LTBP2: variants seen among roughly 807,000 people sequenced by gnomAD.
LTBP2 encodes latent-transforming growth factor beta-binding protein 2.
LTBP2 carries 103 observed loss-of-function variants against 210.6 expected under a neutral mutation model. That is an observed-to-expected ratio of 0.49 (90% confidence interval 0.42 to 0.58). The LOEUF is 0.58. LTBP2 is among the 20% of genes least tolerant of loss of function. The probability of loss-of-function intolerance (pLI) is 0.00; values close to 1 mark genes in which losing one functional copy is unlikely to be tolerated. For missense variants in LTBP2, 2,313 were observed against 2,494.5 expected, an observed-to-expected ratio of 0.93 and a Z score of 1.55; for synonymous variants, 1,007 against 1,015.0, an observed-to-expected ratio of 0.99 and a Z score of 0.15.
intron 3 of LTBP2, among the ~76,000 whole-genome samples, chr14:74,578,359 G>A (rs146687442): frequency 2.8e-3 from 429 of 152,298 alleles, no homozygotes; most frequent in Non-Finnish European, 3.5e-3. Context: ...CCCAACCATC[G>A]TAGAAGATGG....
Position 74,498,510 on chromosome 14 carries a change from G to A in LTBP2, c.*2374C>T, listed in dbSNP as rs1460047076. 9.0e-6 allele frequency: 2 copies of A among 222,176 alleles called. No individual in the cohort carries two copies. The highest frequency in any genetic ancestry group is 1.8e-5 in the Non-Finnish European group (2 of 111,222). The allele number at this position is 222,176 out of a possible 1,614,324, so 13.8% of individuals were successfully genotyped here. A position where few individuals can be genotyped will look rare whatever the true frequency, so the allele number is the denominator to read the frequency against. ...AGTATACAGCTGTAAAATGAAATGAGGCAGCTCTAATTGCAAGTATAAAAA... is the reference window on the plus strand; with the variant it reads ...AGTATACAGCTGTAAAATGAAATGAAGCAGCTCTAATTGCAAGTATAAAAA... On this transcript the variant is annotated 3_prime_UTR_variant, in exon 36 of 36. Coordinates refer to ENST00000261978, the MANE Select transcript of LTBP2 (RefSeq NM_000428.3).
intron 4 of LTBP2, 149 bp from the exon 5 acceptor site, chr14:74,553,211 G>C: frequency 1.3e-6 from 1 of 759,598 alleles, no homozygotes; most frequent in Non-Finnish European, 2.2e-6. Context: ...TCCCATCGTA[G>C]GGGCAAGGTG....
chr14:74,576,749 A>T (rs374829796), intron 3 of LTBP2, among the ~76,000 whole-genome samples: 2 of 151,774 alleles, frequency 1.3e-5, no homozygotes, highest in South Asian at 2.1e-4. Flanking sequence ...AAATTAAAAG[A>T]TTTCCTCTAA....
intron 2 of LTBP2, among the ~76,000 whole-genome samples, chr14:74,589,304 TGAGGCAGG>T (rs909417410): frequency 1.3e-5 from 2 of 152,162 alleles, no homozygotes; most frequent in African/African-American, 4.8e-5. Context: ...TAACCCAGGC[TGAGGCAGG>T]GAGTAGGGAA....
chr14:74,574,493 C>T (rs1490504555), intron 3 of LTBP2, among the ~76,000 whole-genome samples: 1 of 152,134 alleles, frequency 6.6e-6, no homozygotes, highest in Non-Finnish European at 1.5e-5. Flanking sequence ...GCTGGTGACT[C>T]TAAAGTGGGG....
At chr14:74,521,864 C>G (rs756074894) in intron 17 of LTBP2, 47 bp downstream of exon 17, 1 of 1,612,338 alleles carries the variant, frequency 6.2e-7, no homozygotes, top group East Asian at 2.2e-5. Flanking sequence ...CTTCCACCCC[C>G]TCAAGACTGT....
At position 74,552,332 on chromosome 14, in the gene LTBP2, G is replaced by A. The variant is rs140847432; in HGVS notation, c.1254C>T (p.Cys418=). Residue 418 remains cysteine (C), a synonymous_variant, in exon 6 of 36, where the codon TGC becomes TGT. Transcript: ENST00000261978. ...AGAACTTCCCGGTGGAGTTGGCGGGGCACCAGCATTCGTCCCTGCCGATGC... is the reference window on the plus strand; with the variant it reads ...AGAACTTCCCGGTGGAGTTGGCGGGACACCAGCATTCGTCCCTGCCGATGC... ...GRCIGRDECW[C]PANSTGKFCH... The A allele has an allele frequency of 5.8e-5, 94 of 1,612,208 alleles. No homozygotes were observed. Among genetic ancestry groups the A allele is most frequent in the Non-Finnish European group, 7.5e-5 (89 of 1,179,994 alleles).
Position 74,526,168 on chromosome 14 carries a change from T to C in LTBP2, c.2389-54A>G. 9 of 1,547,296 alleles carry C rather than the reference T, an allele frequency of 5.8e-6. No individual in the cohort carries two copies. In the South Asian group the frequency reaches 9.4e-5, roughly 16 times the overall value. ...TGGCTCCTCTGCCGTACCTGTGATG[T>C]GCCACCTTCCACCACACTGACCCCC... On this transcript the variant is annotated intron_variant, in intron 13 of 35. Transcript: ENST00000261978.
rs201477988 is a variant in LTBP2, at chr14:74,583,972, C to T, written c.830+1882G>A. Among the ~76,000 whole-genome samples, 10 of 151,742 alleles carry T rather than the reference C, an allele frequency of 6.6e-5. No homozygotes were observed. The East Asian group carries it at 1.9e-3, about 29-fold the overall frequency. On this transcript the variant is annotated intron_variant, in intron 3 of 35. Coordinates refer to ENST00000261978, the MANE Select transcript of LTBP2 (RefSeq NM_000428.3). ...CCTCTGAGCAACACATGGGGTGGTG[C>T]CCTTGGCTGCAGGTACAGCTGAGGG...
In LTBP2 at chr14:74,502,668, C is replaced by G; in HGVS notation, c.5155G>C (p.Val1719Leu). Residue 1719 changes from valine (V) to leucine (L), a missense_variant, in exon 34 of 36, where the codon GTG (valine) becomes CTG (leucine). Physicochemically the swap from Val to Leu is conservative, Grantham distance 32. Coordinates refer to ENST00000261978, the MANE Select transcript of LTBP2 (RefSeq NM_000428.3). ...LQPSELQPHYVASHPEPPAGF... is the reference protein window; with the variant it reads ...LQPSELQPHYLASHPEPPAGF... Reference sequence around the variant, plus strand: ...CAACACAGACCTGGATGGCTGGCCACGTAGTGGGGCTGGAGTTCTGAGGGC... The same window carrying G: ...CAACACAGACCTGGATGGCTGGCCAGGTAGTGGGGCTGGAGTTCTGAGGGC... 6.2e-7 allele frequency: 1 copy of G among 1,614,126 alleles called. No homozygotes were observed. The highest frequency in any genetic ancestry group is 8.5e-7 in the Non-Finnish European group (1 of 1,180,026).
At chr14:74,547,657 C>G (rs987682458) in intron 8 of LTBP2, among the ~76,000 whole-genome samples, 2 of 152,150 alleles carry the variant, frequency 1.3e-5, no homozygotes, top group African/African-American at 4.8e-5. Context: ...TCTCATTGTT[C>G]CTACCACCTA....
At chr14:74,522,646 C>T in intron 16 of LTBP2, 144 bp downstream of exon 16, 1 of 992,516 alleles carries the variant, frequency 1.0e-6, no homozygotes, top group Non-Finnish European at 1.4e-6. Flanking sequence ...GCTTAGTCCA[C>T]AGGGACTGTG....
intron 16 of LTBP2, 35 bp downstream of exon 16, chr14:74,522,755 G>C (rs948102279): frequency 3.8e-6 from 6 of 1,596,076 alleles, no homozygotes; most frequent in African/African-American, 1.3e-5. Context: ...ATCTACCCCA[G>C]CCGCCAAGTA....
rs139630177 is a variant in LTBP2 at position 74,530,614 on chromosome 14, C to G, written c.1988-1492G>C. Among the ~76,000 whole-genome samples the G allele has an allele frequency of 7.7e-3, 1,171 of 152,302 alleles. 16 individuals carry two copies. The highest frequency in any genetic ancestry group is 0.026 in the African/African-American group (1,097 of 41,556). On this transcript the variant is annotated intron_variant, in intron 10 of 35. Coordinates refer to ENST00000261978, the MANE Select transcript of LTBP2 (RefSeq NM_000428.3). Reference sequence around the variant, plus strand: ...CACTGCAACCTTTGCCTCTGGGGCTCAAGCCATCCTTCCACTTCAGCCTCT... The same window carrying G: ...CACTGCAACCTTTGCCTCTGGGGCTGAAGCCATCCTTCCACTTCAGCCTCT...
At chr14:74,563,513 A>T (rs2087823531) in intron 3 of LTBP2, among the ~76,000 whole-genome samples, 1 of 152,176 alleles carries the variant, frequency 6.6e-6, no homozygotes, top group East Asian at 1.9e-4. Flanking sequence ...TCAATAAGTT[A>T]AGCTTTCCAA....
intron 4 of LTBP2, among the ~76,000 whole-genome samples, chr14:74,554,247 C>T (rs1037377324): frequency 6.6e-6 from 1 of 152,196 alleles, no homozygotes; most frequent in African/African-American, 2.4e-5. Context: ...CGCCTGCAGT[C>T]CCAGTACTTT....
At chr14:74,605,993 G>A (rs949890279) in intron 1 of LTBP2, among the ~76,000 whole-genome samples, 4 of 144,182 alleles carry the variant, frequency 2.8e-5, no homozygotes, top group Non-Finnish European at 5.9e-5. Flanking sequence ...GTAACCAGCT[G>A]GGAATTCTGG....
At chr14:74,568,168 G>A (rs544315954) in intron 3 of LTBP2, among the ~76,000 whole-genome samples, 1 of 152,334 alleles carries the variant, frequency 6.6e-6, no homozygotes, top group East Asian at 1.9e-4. Flanking sequence ...GGTGCTGGGT[G>A]AGCAGAACAC....
chr14:74,551,283 G>C lies in LTBP2; in HGVS notation c.1467C>G (p.His489Gln). ...CCCCGCCCCGCACCTGGGCCACCTG[G>C]TGGATCTGCACTGAGGCCTCGGGTG... ...HHPPEASVQIHQVAQVRGGVE... is the reference protein window; with the variant it reads ...HHPPEASVQIQQVAQVRGGVE... Residue 489 changes from histidine (H) to glutamine (Q), a missense_variant, in exon 7 of 36, where the codon CAC becomes CAG. His to Gln is a conservative substitution (Grantham distance 24). Coordinates refer to ENST00000261978, the MANE Select transcript of LTBP2 (RefSeq NM_000428.3). The C allele has an allele frequency of 6.2e-7, 1 of 1,608,764 alleles. No individual in the cohort carries two copies. Among genetic ancestry groups the C allele is most frequent in the Non-Finnish European group, 8.5e-7 (1 of 1,177,880 alleles).
Sources: allele counts gnomAD v4.1 joint callset (sites outside exome capture counted in the v4.1 genomes callset), GRCh38; gene constraint gnomAD v4.1.1; transcripts MANE v1.5; gene names NCBI Gene and HGNC (gene_info 2026-07-23, HGNC 2026-07-21).